The following NVL variants were observed in gnomAD, a reference collection of about 807,000 sequenced individuals.
NVL encodes nuclear valosin-containing protein-like.
Under a neutral mutation model 110.2 loss-of-function variants are expected in NVL, and 84 were observed. The observed-to-expected ratio is 0.76, with a 90% CI of 0.64 to 0.91. The LOEUF (loss-of-function observed/expected upper bound fraction) is 0.91, where lower values mean the gene tolerates loss of function less well. NVL is among the 40% of genes least tolerant of loss of function. The pLI, the probability that NVL is intolerant of heterozygous loss-of-function variation, is 0.00. For missense variants in NVL, 882 were observed against 1,035.9 expected (o/e 0.85, Z 2.04); for synonymous variants, 354 against 361.1 (o/e 0.98, Z 0.22).
intron 18 of NVL, among the ~76,000 whole-genome samples, chr1:224,266,236 C>G (rs1043294772): frequency 4.6e-5 from 7 of 152,126 alleles, no homozygotes; most frequent in South Asian, 2.1e-4. Context: ...CAGGATCCCC[C>G]CTCTCTCTGC....
intron 9 of NVL, 99 bp from the exon 10 acceptor site, chr1:224,300,762 G>C (rs1037324935): frequency 9.0e-6 from 7 of 773,918 alleles, no homozygotes; most frequent in African/African-American, 3.5e-5. Context: ...CTAGTTTCCT[G>C]AGGAACTTCA....
intron 19 of NVL, among the ~76,000 whole-genome samples, chr1:224,248,272 T>C (rs905916995): frequency 6.6e-5 from 10 of 152,358 alleles, no homozygotes; most frequent in South Asian, 2.1e-4. Flanking sequence ...CTCATGTCTA[T>C]ATCTTCTTTG....
intron 22 of NVL, among the ~76,000 whole-genome samples, chr1:224,229,270 T>C (rs1477281335): frequency 6.6e-6 from 1 of 151,434 alleles, no homozygotes; most frequent in Non-Finnish European, 1.5e-5. Flanking sequence ...CATTCCAGCC[T>C]GGGCAACAAG....
At chr1:224,286,258 T>C (rs1226737342) in intron 14 of NVL, 128 bp from the exon 15 acceptor site, 2 of 669,096 alleles carry the variant, frequency 3.0e-6, no homozygotes, top group African/African-American at 3.7e-5. Context: ...CCAGCTAGAG[T>C]GCAGTGGTGC....
At chr1:224,255,207 T>A (rs1175645401) in intron 18 of NVL, among the ~76,000 whole-genome samples, 2 of 44,052 alleles carry the variant, frequency 4.5e-5, no homozygotes, top group East Asian at 1.7e-3. Flanking sequence ...TTTTTTTTCC[T>A]GAGACAGGGT....
chr1:224,235,327 C>A (rs953871677), intron 20 of NVL, among the ~76,000 whole-genome samples: 2 of 151,926 alleles, frequency 1.3e-5, no homozygotes, highest in Non-Finnish European at 2.9e-5. Flanking sequence ...ACTACCATGC[C>A]CGGCTAATTT....
intron 17 of NVL, among the ~76,000 whole-genome samples, chr1:224,272,808 G>C (rs1297457879): frequency 6.6e-6 from 1 of 151,728 alleles, no homozygotes; most frequent in Non-Finnish European, 1.5e-5. Flanking sequence ...GCCGAGGCGG[G>C]CGGATCGCGA....
intron 19 of NVL, among the ~76,000 whole-genome samples, chr1:224,248,293 GA>G (rs909780596): frequency 5.3e-5 from 8 of 152,144 alleles, no homozygotes; most frequent in African/African-American, 1.9e-4. Context: ...TTATTCCCGT[GA>G]TAATGCCTTA....
chr1:224,250,424 G>T, intron 18 of NVL, 106 bp from the exon 19 acceptor site: 3 of 1,050,032 alleles, frequency 2.9e-6, no homozygotes, highest in Non-Finnish European at 3.9e-6. Context: ...GAGTGCAGTG[G>T]CATGATCTCA....
chr1:224,232,447 G>A (rs1026087767), intron 21 of NVL, among the ~76,000 whole-genome samples: 8 of 152,256 alleles, frequency 5.3e-5, no homozygotes, highest in African/African-American at 1.9e-4. Flanking sequence ...TGCAATCATA[G>A]CTCATTGCAG....
chr1:224,278,994 G>A (rs1470425577), intron 16 of NVL, among the ~76,000 whole-genome samples: 1 of 151,962 alleles, frequency 6.6e-6, no homozygotes, highest in Non-Finnish European at 1.5e-5. Context: ...CAAAGTGCTG[G>A]GATTATAGGT....
intron 21 of NVL, among the ~76,000 whole-genome samples, chr1:224,232,666 T>G (rs1660032916): frequency 6.6e-6 from 1 of 152,106 alleles, no homozygotes; most frequent in Non-Finnish European, 1.5e-5. Flanking sequence ...AGCAGACAAT[T>G]TTTTTCCCCC....
intron 14 of NVL, among the ~76,000 whole-genome samples, chr1:224,286,350 C>T (rs905142205): frequency 6.6e-6 from 1 of 152,000 alleles, no homozygotes; most frequent in Admixed American, 6.6e-5. Context: ...GGACTACAGG[C>T]ACATGCCACC....
At chr1:224,304,875 G>T in intron 7 of NVL, 63 bp from the exon 8 acceptor site, 1 of 1,501,668 alleles carries the variant, frequency 6.7e-7, no homozygotes, top group South Asian at 1.1e-5. Context: ...TAATTATAAT[G>T]AATAGTCTTT....
At chr1:224,261,550 T>A (rs1226004190) in intron 18 of NVL, among the ~76,000 whole-genome samples, 1 of 152,156 alleles carries the variant, frequency 6.6e-6, no homozygotes, top group African/African-American at 2.4e-5. Context: ...AAGATGTGCA[T>A]AGGAGAGACT....
Position 224,268,091 on chromosome 1 carries a change from T to G in NVL, c.2125A>C (p.Met709Leu). 1 of 1,614,074 alleles carries G rather than the reference T, an allele frequency of 6.2e-7. No homozygotes were observed. The highest frequency in any genetic ancestry group is 8.5e-7 in the Non-Finnish European group (1 of 1,179,996). ...VRVVNQLLTE[M>L]DGLEARQQVF... is the part of the protein sequence containing the mutation. ...TGCTGGCGTGCTTCCAGACCATCCA[T>G]CTCTGTAAGTAGCTGATTCACCACT... Residue 709 changes from methionine to leucine, a missense_variant, in exon 18 of 23, where the codon ATG becomes CTG. Met to Leu is a conservative substitution (Grantham distance 15). Around this residue, in one of 4 missense-constraint regions of NVL, gnomAD observed 66 missense variants for 127.5 expected, o/e 0.52. Coordinates refer to ENST00000281701, the MANE Select transcript of NVL (RefSeq NM_002533.4).
intron 18 of NVL, among the ~76,000 whole-genome samples, chr1:224,252,245 C>G (rs1232324898): frequency 6.6e-6 from 1 of 152,002 alleles, no homozygotes; most frequent in Non-Finnish European, 1.5e-5. Context: ...TTCCTTGAGT[C>G]CCCCCAGATA....
In NVL at chr1:224,328,417, G is replaced by A. The variant is rs183798095; in HGVS notation, c.57+1654C>T. Among the ~76,000 whole-genome samples the A allele has an allele frequency of 2.6e-3, 401 of 151,982 alleles. 2 individuals are homozygous for A. The highest frequency in any genetic ancestry group is 9.0e-3 in the African/African-American group (371 of 41,404). ...CACTTGTAATCCCACGTACTCGGGA[G>A]GCTGAGGCAGGAGAATCACTTGAAC... On this transcript the variant is annotated intron_variant, in intron 1 of 22. Coordinates refer to ENST00000281701, the MANE Select transcript of NVL (RefSeq NM_002533.4).
At chr1:224,255,092 G>A (rs78149283) in intron 18 of NVL, among the ~76,000 whole-genome samples, 8,429 of 149,580 alleles carry the variant, frequency 0.056, 273 homozygotes, top group East Asian at 0.1. Context: ...GGATGGTCTC[G>A]ATCTCCTGAC....
Sources: gnomAD v4.1 joint callset for allele counts (sites outside exome capture counted in the v4.1 genomes callset) on GRCh38, gnomAD v4.1.1 for gene constraint, gnomAD v4.1.1 regional missense constraint, MANE v1.5 for transcripts, NCBI Gene and HGNC (gene_info 2026-07-23, HGNC 2026-07-21) for gene names.